Variants in CASTOR2 observed in about 807,000 individuals in gnomAD.
CASTOR2 encodes GATS protein like 2.
Under a neutral mutation model 31.2 loss-of-function variants are expected in CASTOR2, and 8 were observed. The observed-to-expected ratio is 0.26, with a 90% CI of 0.15 to 0.46. The LOEUF is 0.46. Among genes scored for constraint, CASTOR2 ranks in the 20% least tolerant of loss-of-function variants. The pLI is 0.99. For missense variants in CASTOR2, 216 were observed against 382.1 expected, an observed-to-expected ratio of 0.57 and a Z score of 3.62; for synonymous variants, 162 against 158.7, an observed-to-expected ratio of 1.02 and a Z score of -0.16.
At chr7:74,971,903 G>T (rs1554435112) in intron 1 of CASTOR2, among the ~76,000 whole-genome samples, 1 of 144,944 alleles carries the variant, frequency 6.9e-6, no homozygotes, top group Non-Finnish European at 1.5e-5. Flanking sequence ...CCATCTGCCT[G>T]GCTTACCCCA....
At position 75,007,994 on chromosome 7, in the gene CASTOR2, G is replaced by A; in HGVS notation, c.114G>A (p.Arg38=). ...ATTCTGTGTCTGTCCATCCATCCAG[G>A]TGCAAGTTCTTCAGTCTGACTGAGA... ...IKLAFLSSKT[R]CKFFSLTETP... is the part of the protein sequence containing the mutation. Residue 38 remains arginine (R), a splice_region_variant and synonymous_variant, in exon 2 of 9, where the codon AGG becomes AGA. Transcript: ENST00000616305. The A allele has an allele frequency of 6.2e-7, 1 of 1,613,916 alleles. No individual in the cohort carries two copies. Among genetic ancestry groups the A allele is most frequent in the Non-Finnish European group, 8.5e-7 (1 of 1,179,854 alleles).
At chr7:75,017,380 G>C (rs1267181134) in intron 2 of CASTOR2, among the ~76,000 whole-genome samples, 1 of 152,216 alleles carries the variant, frequency 6.6e-6, no homozygotes, top group Non-Finnish European at 1.5e-5. Flanking sequence ...CAGGAAGTCA[G>C]AGGTTGCAGT....
At chr7:74,983,212 A>G (rs1255185493) in intron 1 of CASTOR2, among the ~76,000 whole-genome samples, 4 of 133,246 alleles carry the variant, frequency 3.0e-5, no homozygotes, top group Non-Finnish European at 4.8e-5. Context: ...GGGTTTCGCC[A>G]TGTTGGCCAG....
At chr7:75,015,000 C>G (rs1438131363) in intron 2 of CASTOR2, among the ~76,000 whole-genome samples, 1 of 152,246 alleles carries the variant, frequency 6.6e-6, no homozygotes, top group African/African-American at 2.4e-5. Flanking sequence ...AGACTGGGGC[C>G]GCCCTTTCCC....
In CASTOR2 at chr7:75,003,619, G is replaced by A. The variant is rs1171077287; in HGVS notation, c.114-4375G>A. Among the ~76,000 whole-genome samples the A allele has an allele frequency of 1.6e-3, 249 of 152,078 alleles. 1 individual carries two copies. The highest frequency in any genetic ancestry group is 4.2e-3 in the African/African-American group (173 of 41,506). On this transcript the variant is annotated intron_variant, in intron 1 of 8. Coordinates refer to ENST00000616305, the MANE Select transcript of CASTOR2 (RefSeq NM_001145064.3). The stretch of plus-strand genomic sequence containing the variant: ...CAAAAAATTAGTTGGGCGTGGTGGC[G>A]TGCGCCTGTAGTCTCAGCTACTCTG...
intron 8 of CASTOR2, 37 bp downstream of exon 8, chr7:75,024,571 C>T (rs979453567): frequency 3.6e-5 from 56 of 1,551,380 alleles, no homozygotes; most frequent in Admixed American, 1.8e-4. Context: ...AGGGCAGGGC[C>T]GGGGTGGGGA....
At chr7:75,017,908 G>A (rs1804903273) in intron 3 of CASTOR2, 82 bp from the exon 4 acceptor site, 1 of 1,613,696 alleles carries the variant, frequency 6.2e-7, no homozygotes. Context: ...TGGGGGCAGA[G>A]TCTCAGGGTG....
At chr7:75,012,216 G>T (rs1804766957) in intron 2 of CASTOR2, among the ~76,000 whole-genome samples, 3 of 152,142 alleles carry the variant, frequency 2.0e-5, no homozygotes, top group Non-Finnish European at 4.4e-5. Context: ...AGGATTTGGG[G>T]TGGGCCTAGG....
At chr7:74,993,445 CTTTTTTTTTTT>C (rs1156811360) in intron 1 of CASTOR2, among the ~76,000 whole-genome samples, 1 of 77,628 alleles carries the variant, frequency 1.3e-5, no homozygotes, top group Non-Finnish European at 2.5e-5. Flanking sequence ...CCTCCTTTGT[CTTTTTTTTTTT>C]TTTTTTTTTT....
Position 74,971,150 on chromosome 7 carries a change from C to G in CASTOR2, c.113+6052C>G. Among the ~76,000 whole-genome samples, 2 of 143,766 alleles carry G rather than the reference C, an allele frequency of 1.4e-5. 1 individual carries two copies. The highest frequency in any genetic ancestry group is 1.4e-4 in the Admixed American group (2 of 14,234). 94.3% of individuals were successfully genotyped at this position (143,766 alleles called of 152,430 possible). A position where few individuals can be genotyped will look rare whatever the true frequency, so the allele number is the denominator to read the frequency against. The stretch of plus-strand genomic sequence containing the variant: ...AGCTAGGATTACAGGCACCCACCAC[C>G]ATGCCCGGCTAATTTTGTATTTTTA... On this transcript the variant is annotated intron_variant, in intron 1 of 8. Transcript: ENST00000616305.
intron 1 of CASTOR2, among the ~76,000 whole-genome samples, chr7:74,979,339 C>T (rs1216252609): frequency 6.8e-6 from 1 of 147,870 alleles, no homozygotes; most frequent in Non-Finnish European, 1.5e-5. Flanking sequence ...TTTAACCTTC[C>T]TCCCCTTCCC....
chr7:75,017,882 C>T (rs1804902453), intron 3 of CASTOR2, 91 bp downstream of exon 3: 6 of 1,613,678 alleles, frequency 3.7e-6, no homozygotes, highest in Non-Finnish European at 5.1e-6. Flanking sequence ...CCTTGCCCTT[C>T]CACGCTATTC....
intron 1 of CASTOR2, among the ~76,000 whole-genome samples, chr7:74,991,643 CGGTT>C (rs1209097889): frequency 6.6e-6 from 1 of 152,010 alleles, no homozygotes; most frequent in Non-Finnish European, 1.5e-5. Flanking sequence ...TAGGCACTGA[CGGTT>C]GGAGGGGAGG....
chr7:75,026,850 T>G lies in CASTOR2; in HGVS notation c.*2151T>G, dbSNP rs1805148599. On this transcript the variant is annotated 3_prime_UTR_variant, in exon 9 of 9. Coordinates refer to ENST00000616305, the MANE Select transcript of CASTOR2 (RefSeq NM_001145064.3). ...CCTGACGGTGTCACTTCTCTGCCTT[T>G]CCTTCCCGCCGTGCAAGTGTGTCGG... is the stretch of plus-strand genomic sequence containing the variant. Among the ~76,000 whole-genome samples the G allele has an allele frequency of 6.6e-6, 1 of 152,176 alleles. No individual in the cohort carries two copies. Among genetic ancestry groups the G allele is most frequent in the Admixed American group, 6.5e-5 (1 of 15,276 alleles).
Position 75,029,463 on chromosome 7 carries a change from C to T in CASTOR2, c.*4764C>T, listed in dbSNP as rs1027971064. 7.9e-5 allele frequency among the ~76,000 whole-genome samples: 12 copies of T among 151,736 alleles called. No homozygotes were observed. Among genetic ancestry groups the T allele is most frequent in the Non-Finnish European group, 1.6e-4 (11 of 67,974 alleles). ...GGTTCAAGTGATTCTCCTGCCTCAG[C>T]CTCCCAAGTAGCTGGGATTACAGGC... On this transcript the variant is annotated 3_prime_UTR_variant, in exon 9 of 9. Coordinates refer to ENST00000616305, the MANE Select transcript of CASTOR2 (RefSeq NM_001145064.3).
At chr7:75,009,010 G>A (rs1279287972) in intron 2 of CASTOR2, among the ~76,000 whole-genome samples, 1 of 152,152 alleles carries the variant, frequency 6.6e-6, no homozygotes, top group Non-Finnish European at 1.5e-5. Context: ...AGGCTGGAGT[G>A]CAATGGCACG....
In CASTOR2 at chr7:75,008,365, A is replaced by T. The variant is rs1195118723; in HGVS notation, c.184+301A>T. Among the ~76,000 whole-genome samples, 6 of 152,228 alleles carry T rather than the reference A, an allele frequency of 3.9e-5. 1 individual carries two copies. In the South Asian group the frequency reaches 8.3e-4, roughly 21 times the overall value. On this transcript the variant is annotated intron_variant, in intron 2 of 8. Coordinates refer to ENST00000616305, the MANE Select transcript of CASTOR2 (RefSeq NM_001145064.3). ...ACGGCGCTACCCAGCTGAGAATTAGATCAACCCAGAAGAAAAGGAACATGT... is the reference window on the plus strand; with the variant it reads ...ACGGCGCTACCCAGCTGAGAATTAGTTCAACCCAGAAGAAAAGGAACATGT...
chr7:74,970,024 A>C (rs1323956206), intron 1 of CASTOR2, among the ~76,000 whole-genome samples: 2 of 149,898 alleles, frequency 1.3e-5, no homozygotes, highest in Admixed American at 1.3e-4. Flanking sequence ...CAGAATTGGG[A>C]TTTGAACCAG....
rs1805104654 is a variant in CASTOR2 at position 75,025,556 on chromosome 7, C to T, written c.*857C>T. 6.6e-6 allele frequency among the ~76,000 whole-genome samples: 1 copy of T among 152,172 alleles called. No individual in the cohort carries two copies. Among genetic ancestry groups the T allele is most frequent in the Non-Finnish European group, 1.5e-5 (1 of 68,008 alleles). ...AGGCCTGAGGTTTCTTAGGTGGTGTCCCACCTCCCCAACAGACAACTAGAC... is the reference window on the plus strand; with the variant it reads ...AGGCCTGAGGTTTCTTAGGTGGTGTTCCACCTCCCCAACAGACAACTAGAC... On this transcript the variant is annotated 3_prime_UTR_variant, in exon 9 of 9. Coordinates refer to ENST00000616305, the MANE Select transcript of CASTOR2 (RefSeq NM_001145064.3).
Sources: gnomAD v4.1 joint callset for allele counts (sites outside exome capture counted in the v4.1 genomes callset) on GRCh38, gnomAD v4.1.1 for gene constraint, MANE v1.5 for transcripts, NCBI Gene and HGNC (gene_info 2026-07-23, HGNC 2026-07-21) for gene names.